Variants in ZBTB2 observed in about 807,000 individuals in gnomAD.
The protein encoded by ZBTB2 is zinc finger and BTB domain containing 2.
A neutral mutation model predicts 39.5 loss-of-function variants in ZBTB2; 2 were observed. The ratio of observed to expected loss-of-function variants is 0.05; its 90% CI spans 0.02 to 0.16. ZBTB2 has a LOEUF of 0.16. ZBTB2 is among the 10% of genes least tolerant of loss of function. The pLI, the probability that ZBTB2 is intolerant of heterozygous loss-of-function variation, is 1.00. For missense variants in ZBTB2, 391 were observed against 653.0 expected (o/e 0.60, Z 4.37); for synonymous variants, 251 against 256.6 (o/e 0.98, Z 0.21).
At chr6:151,370,040 A>G (rs1778751931) in intron 2 of ZBTB2, 3 of 935,944 alleles carry the variant, frequency 3.2e-6, no homozygotes, top group Non-Finnish European at 3.8e-6. Flanking sequence ...TCAGCTCACT[A>G]TGCGCCAGAC....
rs374161935 is a variant in ZBTB2, at chr6:151,366,385, G to A, written c.681C>T (p.Ser227=). Residue 227 remains serine (S), a synonymous_variant, in exon 3 of 3, where the codon TCC becomes TCT. Transcript: ENST00000325144. This position sits in a 1 kb window ranked among gnomAD's most constrained non-coding sequence, Gnocchi z 7.1. ...GEETNLEASS[S]DEQPASLTIA... Reference sequence around the variant, plus strand: ...TTGTGAGGGACGCAGGCTGCTCATCGGAGGAAGATGCTTCCAGATTGGTCT... The same window carrying A: ...TTGTGAGGGACGCAGGCTGCTCATCAGAGGAAGATGCTTCCAGATTGGTCT... The A allele has an allele frequency of 7.7e-4, 1,243 of 1,614,092 alleles. 21 individuals are homozygous for A. In the South Asian group the frequency reaches 0.013, roughly 16 times the overall value.
chr6:151,383,024 C>G (rs1398694811), intron 1 of ZBTB2, among the ~76,000 whole-genome samples: 2 of 151,098 alleles, frequency 1.3e-5, no homozygotes, highest in Non-Finnish European at 2.9e-5. Flanking sequence ...CTCCTGGGTT[C>G]AAGCAATTCT....
intron 2 of ZBTB2, among the ~76,000 whole-genome samples, chr6:151,372,740 G>GA (rs1778811749): frequency 6.6e-6 from 1 of 152,096 alleles, no homozygotes; most frequent in South Asian, 2.1e-4. Context: ...AATAAATGCT[G>GA]AAAGTCAGGG....
intron 2 of ZBTB2, among the ~76,000 whole-genome samples, chr6:151,373,062 G>A (rs2114860259): frequency 6.8e-6 from 1 of 147,208 alleles, no homozygotes; most frequent in Non-Finnish European, 1.5e-5. Context: ...GGCTGAAGCA[G>A]GAGAATGGCG....
At chr6:151,389,441 A>G (rs1464155914) in intron 1 of ZBTB2, among the ~76,000 whole-genome samples, 1 of 152,216 alleles carries the variant, frequency 6.6e-6, no homozygotes, top group African/African-American at 2.4e-5. Flanking sequence ...TTAAACGTTC[A>G]GGGTACTCCC....
intron 1 of ZBTB2, among the ~76,000 whole-genome samples, chr6:151,386,296 G>A (rs961959631): frequency 1.3e-5 from 2 of 152,204 alleles, no homozygotes; most frequent in Non-Finnish European, 2.9e-5. Flanking sequence ...TGTAATCTCA[G>A]CACTTTGGGA....
intron 1 of ZBTB2, among the ~76,000 whole-genome samples, chr6:151,387,972 T>C (rs529463220): frequency 1.3e-5 from 2 of 152,322 alleles, no homozygotes; most frequent in East Asian, 3.9e-4. Flanking sequence ...ATTTTAATTA[T>C]TTAATAGTTT....
At chr6:151,373,843 T>TAAAAAAAAAAAA (rs200070063) in intron 1 of ZBTB2, among the ~76,000 whole-genome samples, 194 bp from the exon 2 acceptor site, 21 of 45,984 alleles carry the variant, frequency 4.6e-4, no homozygotes, top group South Asian at 1.0e-3. Flanking sequence ...ATTATGCCTT[T>TAAAAAAAAAAAA]AAAAAAAAAA....
At chr6:151,385,754 A>G (rs1040330475) in intron 1 of ZBTB2, among the ~76,000 whole-genome samples, 7 of 152,244 alleles carry the variant, frequency 4.6e-5, no homozygotes, top group South Asian at 2.1e-4. Context: ...ACCACTTACT[A>G]GGATGAAAAG....
At chr6:151,370,602 G>A (rs1175663795) in intron 2 of ZBTB2, among the ~76,000 whole-genome samples, 1 of 152,194 alleles carries the variant, frequency 6.6e-6, no homozygotes, top group African/African-American at 2.4e-5. Flanking sequence ...AGTTGTCTGT[G>A]ATTTAAACAT....
chr6:151,372,588 C>T (rs1053754748), intron 2 of ZBTB2, among the ~76,000 whole-genome samples: 1 of 152,056 alleles, frequency 6.6e-6, no homozygotes, highest in Non-Finnish European at 1.5e-5. Context: ...GATCATTTTC[C>T]AGAGACACTG....
At chr6:151,390,964 A>AG (rs1779286814) in intron 1 of ZBTB2, among the ~76,000 whole-genome samples, 1 of 149,984 alleles carries the variant, frequency 6.7e-6, no homozygotes, top group Admixed American at 6.6e-5. Flanking sequence ...GGCGGCGGGA[A>AG]GGGAGGGACC....
At chr6:151,375,880 T>TA (rs1778896805) in intron 1 of ZBTB2, among the ~76,000 whole-genome samples, 1 of 152,128 alleles carries the variant, frequency 6.6e-6, no homozygotes, top group African/African-American at 2.4e-5. Flanking sequence ...AAAATAATTT[T>TA]TAAAAAAGAA....
Position 151,373,559 on chromosome 6 carries a change from T to A in ZBTB2, c.79A>T (p.Thr27Ser). The change falls in exon 2 of 3, where the codon ACG (threonine) becomes TCG (serine). Residue 27 changes from threonine to serine, a missense_variant. This residue lies in a region of ZBTB2 where 38 missense variants were observed against 109.2 expected (regional missense o/e 0.35). Transcript: ENST00000325144. ...QREFGFLCDC[T>S]VAIGDVYFKA... ...AAGTATACATCGCCGATTGCAACCGTGCAGTCACACAGGAAACCAAACTCT... is the reference window on the plus strand; with the variant it reads ...AAGTATACATCGCCGATTGCAACCGAGCAGTCACACAGGAAACCAAACTCT... 6.2e-7 allele frequency: 1 copy of A among 1,614,176 alleles called. No homozygotes were observed. Among genetic ancestry groups the A allele is most frequent in the Non-Finnish European group, 8.5e-7 (1 of 1,180,026 alleles).
chr6:151,377,749 C>T (rs770063332), intron 1 of ZBTB2, among the ~76,000 whole-genome samples: 8 of 151,834 alleles, frequency 5.3e-5, no homozygotes, highest in East Asian at 1.9e-4. Flanking sequence ...TTAGCCAGGA[C>T]AGTCTTGATC....
At chr6:151,367,333 G>A (rs1170899757) in intron 2 of ZBTB2, among the ~76,000 whole-genome samples, 2 of 152,082 alleles carry the variant, frequency 1.3e-5, no homozygotes, top group East Asian at 3.9e-4. Context: ...GTTGGCCAGG[G>A]TGGTCTCCAA....
intron 1 of ZBTB2, among the ~76,000 whole-genome samples, chr6:151,379,676 A>G (rs1010275893): frequency 4.0e-5 from 6 of 150,790 alleles, no homozygotes; most frequent in African/African-American, 1.5e-4. Context: ...AAAGAAATCT[A>G]TAAAACTCTT....
At chr6:151,380,152 T>C (rs559191666) in intron 1 of ZBTB2, among the ~76,000 whole-genome samples, 34 of 140,184 alleles carry the variant, frequency 2.4e-4, no homozygotes, top group Non-Finnish European at 4.5e-4. Context: ...AAAAAAAAAA[T>C]GAAAAAGCAG....
At chr6:151,378,245 C>T (rs1356243944) in intron 1 of ZBTB2, 1 of 152,122 alleles carries the variant, frequency 6.6e-6, no homozygotes, top group Non-Finnish European at 1.5e-5. Context: ...CTGATCAGGT[C>T]ACAAATCAAG....
Sources: allele counts gnomAD v4.1 joint callset (sites outside exome capture counted in the v4.1 genomes callset), GRCh38; gene constraint gnomAD v4.1.1; regional missense constraint gnomAD v4.1.1; non-coding constraint Gnocchi (gnomAD v3.1); transcripts MANE v1.5; gene names NCBI Gene and HGNC (gene_info 2026-07-23, HGNC 2026-07-21).